The following PCDHGA6 variants were observed in gnomAD, a reference collection of about 807,000 sequenced individuals.
PCDHGA6 encodes the protein protocadherin gamma subfamily A, 6, also known as protocadherin gamma-A6.
In PCDHGA6, 41 loss-of-function variants were observed where a neutral mutation model predicts 60.6. The ratio of observed to expected loss-of-function variants is 0.68; its 90% CI spans 0.53 to 0.88. PCDHGA6 has a LOEUF of 0.88. Among genes scored for constraint, PCDHGA6 ranks in the 40% least tolerant of loss-of-function variants. The pLI is 0.00. For synonymous variants in PCDHGA6, 594 were observed against 524.4 expected (o/e 1.13, Z -1.81); for missense variants, 1,312 against 1,203.0 (o/e 1.09, Z -1.34).
chr5:141,375,618 G>A lies in PCDHGA6; in HGVS notation c.1535G>A (p.Gly512Glu), dbSNP rs1771662447. ...SSYVSINSDT[G>E]ILYALRSFDY... is the part of the protein sequence containing the mutation. ...TACGTGTCCATCAACTCCGACACTG[G>A]GATTCTGTACGCCCTGCGCTCCTTC... Residue 512 changes from glycine (G) to glutamate (E), a missense_variant, in exon 1 of 4, where the codon GGG becomes GAG. Physicochemically the swap from Gly to Glu is moderately conservative, Grantham distance 98 (BLOSUM62 -2). Transcript: ENST00000517434. 6.2e-7 allele frequency: 1 copy of A among 1,614,078 alleles called. No homozygotes were observed. Among genetic ancestry groups the A allele is most frequent in the Non-Finnish European group, 8.5e-7 (1 of 1,180,036 alleles).
chr5:141,415,772 T>TTTTA, intron 1 of PCDHGA6: 1 of 1,332,982 alleles, frequency 7.5e-7, no homozygotes, highest in Non-Finnish European at 9.6e-7. Context: ...TTTTTTTTTT[T>TTTTA]ACTTTCTGGT....
In PCDHGA6 at chr5:141,432,536, G is replaced by A. The variant is rs767744134; in HGVS notation, c.2424+56029G>A. 6.2e-7 allele frequency: 1 copy of A among 1,614,050 alleles called. No individual in the cohort carries two copies. Among genetic ancestry groups the A allele is most frequent in the Non-Finnish European group, 8.5e-7 (1 of 1,180,006 alleles). On this transcript the variant is annotated intron_variant, in intron 1 of 3. Coordinates refer to ENST00000517434, the MANE Select transcript of PCDHGA6 (RefSeq NM_018919.3). This position sits in a 1 kb window ranked among gnomAD's most constrained non-coding sequence, Gnocchi z 6.0. ...CGGCTACCTGGTGACCAAGGTGGTG[G>A]CGGTGGACAGAGACTCCGGCCAGAA...
In PCDHGA6 at chr5:141,431,777, G is replaced by T. The variant is rs151011884; in HGVS notation, c.2424+55270G>T. 5,401 of 1,614,186 alleles carry T rather than the reference G, an allele frequency of 3.3e-3. 6 individuals are homozygous for T. Among genetic ancestry groups the T allele is most frequent in the Non-Finnish European group, 4.2e-3 (4,899 of 1,180,002 alleles). On this transcript the variant is annotated intron_variant, in intron 1 of 3. Coordinates refer to ENST00000517434, the MANE Select transcript of PCDHGA6 (RefSeq NM_018919.3). The surrounding 1 kb of genome is among the most constrained non-coding windows in gnomAD (Gnocchi z 4.8). ...CAAAGTCCTGATCACTGTTCTGGAC[G>T]TGAACGACAATGCCCCAGAAGTGGT...
intron 1 of PCDHGA6, among the ~76,000 whole-genome samples, chr5:141,482,257 T>C (rs2099555476): frequency 1.3e-5 from 2 of 152,156 alleles, no homozygotes; most frequent in Admixed American, 1.3e-4. Context: ...ACTGTACATA[T>C]TAGTTGTTTA....
At chr5:141,497,223 T>C (rs921763195) in intron 2 of PCDHGA6, among the ~76,000 whole-genome samples, 1 of 151,762 alleles carries the variant, frequency 6.6e-6, no homozygotes, top group Admixed American at 6.6e-5. Context: ...GGGGGGAAGA[T>C]CAGAGAAGGC....
Position 141,381,340 on chromosome 5 carries a change from T to C in PCDHGA6, c.2424+4833T>C, listed in dbSNP as rs1777123842. 2.0e-5 allele frequency among the ~76,000 whole-genome samples: 3 copies of C among 152,250 alleles called. No homozygotes were observed. The South Asian group carries it at 6.2e-4, about 31-fold the overall frequency. On this transcript the variant is annotated intron_variant, in intron 1 of 3. Transcript: ENST00000517434. ...CTGCAACTATGTGAAAGGAGCTTTC[T>C]TTTCTTTCTGCTAGCAGAGGGTAGC...
chr5:141,457,270 T>C (rs1338894991), intron 1 of PCDHGA6, among the ~76,000 whole-genome samples: 2 of 152,234 alleles, frequency 1.3e-5, no homozygotes. Flanking sequence ...TTCCCCTCTG[T>C]GGGCCTACGA....
At chr5:141,423,095 A>G (rs2096708889) in intron 1 of PCDHGA6, 3 of 1,613,978 alleles carry the variant, frequency 1.9e-6, no homozygotes, top group Non-Finnish European at 2.5e-6. Flanking sequence ...GTGGGGGAGC[A>G]CACGGGCGAG....
At chr5:141,385,401 T>C in intron 1 of PCDHGA6, 1 of 1,490,222 alleles carries the variant, frequency 6.7e-7, no homozygotes, top group Non-Finnish European at 8.9e-7. Context: ...AAACAAATGT[T>C]TTGAAAATAG....
In PCDHGA6 at chr5:141,489,180, C is replaced by T. The variant is rs942218118; in HGVS notation, c.2425-5627C>T. 7.9e-7 allele frequency: 1 copy of T among 1,259,748 alleles called. No homozygotes were observed. The highest frequency in any genetic ancestry group is 2.0e-4 in the Middle Eastern group (1 of 5,096). The allele number at this position is 1,259,748 out of a possible 1,614,324, so 78.0% of individuals were successfully genotyped here. A position where few individuals can be genotyped will look rare whatever the true frequency, so the allele number is the denominator to read the frequency against. On this transcript the variant is annotated intron_variant, in intron 1 of 3. Coordinates refer to ENST00000517434, the MANE Select transcript of PCDHGA6 (RefSeq NM_018919.3). This position sits in a 1 kb window ranked among gnomAD's most constrained non-coding sequence, Gnocchi z 4.5. ...GACTTCAGCTGCTGCATTCCAAGCCCTGGGTCTACCTTGGAGACAGGACAG... is the reference window on the plus strand; with the variant it reads ...GACTTCAGCTGCTGCATTCCAAGCCTTGGGTCTACCTTGGAGACAGGACAG...
intron 1 of PCDHGA6, chr5:141,419,230 C>G (rs1439568232): frequency 6.2e-7 from 1 of 1,613,910 alleles, no homozygotes; most frequent in Non-Finnish European, 8.5e-7. Context: ...AGTCAGCCTA[C>G]CTGGTCCACG....
intron 1 of PCDHGA6, chr5:141,422,103 A>C: frequency 6.2e-7 from 1 of 1,608,206 alleles, no homozygotes; most frequent in Admixed American, 1.7e-5. Context: ...CTTCTGAAAT[A>C]TTCCAATTGG....
rs562156266 is a variant in PCDHGA6, at chr5:141,467,826, T to C, written c.2425-26981T>C. On this transcript the variant is annotated intron_variant, in intron 1 of 3. Transcript: ENST00000517434. ...GGCACATGCCACCACACCAGGCTGA[T>C]TTTTATATTTTTTTGTAGAATGAGA... Among the ~76,000 whole-genome samples, 96 of 151,894 alleles carry C rather than the reference T, an allele frequency of 6.3e-4. 3 individuals carry two copies. Among genetic ancestry groups the C allele is most frequent in the Admixed American group, 6.2e-3 (95 of 15,236 alleles).
At chr5:141,500,488 C>T (rs569168291) in intron 2 of PCDHGA6, among the ~76,000 whole-genome samples, 4 of 152,178 alleles carry the variant, frequency 2.6e-5, no homozygotes, top group South Asian at 2.1e-4. Flanking sequence ...GGATTACAGG[C>T]GTGAGCCACC....
intron 1 of PCDHGA6, chr5:141,403,406 T>A: frequency 6.2e-7 from 1 of 1,614,058 alleles, no homozygotes; most frequent in South Asian, 1.1e-5. Flanking sequence ...TGGAGCACGT[T>A]ATCCACTTCC....
intron 1 of PCDHGA6, chr5:141,408,907 C>T: frequency 6.2e-7 from 1 of 1,613,244 alleles, no homozygotes; most frequent in East Asian, 2.2e-5. Context: ...TCAAGGATAC[C>T]AATGATAACC....
chr5:141,390,500 C>G (rs2092162714), intron 1 of PCDHGA6: 3 of 614,492 alleles, frequency 4.9e-6, no homozygotes, highest in Non-Finnish European at 8.3e-6. Context: ...TTTAGCCAAG[C>G]TTAGATTTAT....
rs1215626157 is a variant in PCDHGA6, at chr5:141,487,804, GT to G, written c.2425-7000del. ...TCGTGAATTAACCAGAGTTGTCACAGTTTAGCATTGGGGGCGGGTCATGCCT... is the reference window on the plus strand; with the variant it reads ...TCGTGAATTAACCAGAGTTGTCACAGTTAGCATTGGGGGCGGGTCATGCCT... On this transcript the variant is annotated intron_variant, in intron 1 of 3. Transcript: ENST00000517434. The surrounding 1 kb of genome is among the most constrained non-coding windows in gnomAD (Gnocchi z 5.0). 15 of 1,451,846 alleles carry G rather than the reference GT, an allele frequency of 1.0e-5. No homozygotes were observed. The highest frequency in any genetic ancestry group is 1.3e-5 in the Non-Finnish European group (14 of 1,072,382). 89.9% of individuals were successfully genotyped at this position (1,451,846 alleles called of 1,614,324 possible).
intron 1 of PCDHGA6, chr5:141,427,507 T>A: frequency 1.7e-6 from 1 of 584,928 alleles, no homozygotes; most frequent in Non-Finnish European, 3.2e-6. Context: ...GATGGGACCC[T>A]GGATTGGGAG....
Sources: gnomAD v4.1 joint callset for allele counts (sites outside exome capture counted in the v4.1 genomes callset) on GRCh38, gnomAD v4.1.1 for gene constraint, Gnocchi (gnomAD v3.1) non-coding constraint, MANE v1.5 for transcripts, NCBI Gene and HGNC (gene_info 2026-07-23, HGNC 2026-07-21) for gene names.